The following SCFD2 variants were observed in gnomAD, a reference collection of about 807,000 sequenced individuals.
SCFD2 encodes sec1 family domain-containing protein 2.
A neutral mutation model predicts 58.9 loss-of-function variants in SCFD2; 54 were observed. The ratio of observed to expected loss-of-function variants is 0.92; its 90% CI spans 0.74 to 1.15. SCFD2 has a LOEUF of 1.15. SCFD2 is among the 50% of genes most tolerant of loss of function. The pLI, the probability that SCFD2 is intolerant of heterozygous loss-of-function variation, is 0.00. For missense variants in SCFD2, 805 were observed against 836.6 expected, an observed-to-expected ratio of 0.96 and a Z score of 0.47; for synonymous variants, 321 against 335.9, an observed-to-expected ratio of 0.96 and a Z score of 0.49.
At chr4:53,251,789 C>A (rs1730393862) in intron 4 of SCFD2, among the ~76,000 whole-genome samples, 1 of 151,872 alleles carries the variant, frequency 6.6e-6, no homozygotes, top group South Asian at 2.1e-4. Flanking sequence ...ACTGAATGGG[C>A]AAAAACTAGA....
intron 7 of SCFD2, among the ~76,000 whole-genome samples, chr4:52,902,326 G>A (rs1273133652): frequency 6.6e-6 from 1 of 152,222 alleles, no homozygotes; most frequent in Non-Finnish European, 1.5e-5. Context: ...AAAAAGGGGA[G>A]TCTGGAAAAA....
rs1726930089 is a variant in SCFD2, at chr4:53,163,992, G to A, written c.1312-18410C>T. ...AATAATATGAAAGGCTGTAACTGAA[G>A]ACTGCTATACCTCTTAACCATAGCA... is the stretch of plus-strand genomic sequence containing the variant. On this transcript the variant is annotated intron_variant, in intron 4 of 8. Transcript: ENST00000401642. 3.3e-5 allele frequency among the ~76,000 whole-genome samples: 5 copies of A among 152,246 alleles called. No individual in the cohort carries two copies. In the South Asian group the frequency reaches 8.3e-4, roughly 25 times the overall value.
At chr4:53,268,926 T>A (rs1731075786) in intron 4 of SCFD2, among the ~76,000 whole-genome samples, 1 of 152,066 alleles carries the variant, frequency 6.6e-6, no homozygotes, top group African/African-American at 2.4e-5. Flanking sequence ...TAATTAAATA[T>A]GTCAAGGATA....
At chr4:53,259,536 T>C (rs2149052160) in intron 4 of SCFD2, among the ~76,000 whole-genome samples, 1 of 152,260 alleles carries the variant, frequency 6.6e-6, no homozygotes, top group African/African-American at 2.4e-5. Context: ...TGTTAAGTAT[T>C]TGGCCTTATT....
At chr4:53,006,399 T>C in intron 5 of SCFD2, among the ~76,000 whole-genome samples, 1 of 152,226 alleles carries the variant, frequency 6.6e-6, no homozygotes, top group East Asian at 1.9e-4. Context: ...GTGAAGTAGA[T>C]ATTCGCCTTT....
intron 7 of SCFD2, among the ~76,000 whole-genome samples, chr4:52,906,754 T>G (rs1719357857): frequency 1.3e-5 from 2 of 152,240 alleles, no homozygotes; most frequent in African/African-American, 4.8e-5. Flanking sequence ...TCAAAGATGC[T>G]TTGATGCTGG....
At chr4:52,992,339 C>T (rs1721631162) in intron 5 of SCFD2, among the ~76,000 whole-genome samples, 1 of 152,206 alleles carries the variant, frequency 6.6e-6, no homozygotes, top group Non-Finnish European at 1.5e-5. Context: ...CTCAATGTTG[C>T]CCAGGCTGGA....
At chr4:53,187,067 GA>G (rs1013450052) in intron 4 of SCFD2, among the ~76,000 whole-genome samples, 5 of 149,658 alleles carry the variant, frequency 3.3e-5, no homozygotes, top group African/African-American at 7.4e-5. Flanking sequence ...ATGACAAACA[GA>G]AAAAAAAATT....
At chr4:52,918,239 C>T (rs1342297518) in intron 6 of SCFD2, among the ~76,000 whole-genome samples, 1 of 152,156 alleles carries the variant, frequency 6.6e-6, no homozygotes. Flanking sequence ...AAACCAGACA[C>T]GCAGCTGGAC....
At chr4:53,326,045 G>A (rs900111) in intron 2 of SCFD2, among the ~76,000 whole-genome samples, 108,662 of 152,138 alleles carry the variant, frequency 0.71, 38,980 homozygotes, top group Middle Eastern at 0.8. Context: ...TGCCACATTA[G>A]CAGATGACAA....
intron 5 of SCFD2, among the ~76,000 whole-genome samples, chr4:52,969,393 G>C (rs1299090930): frequency 6.6e-6 from 1 of 152,120 alleles, no homozygotes; most frequent in African/African-American, 2.4e-5. Context: ...AATATCCATT[G>C]GTAGGAAAAT....
intron 5 of SCFD2, among the ~76,000 whole-genome samples, chr4:53,111,664 C>T (rs1725176760): frequency 6.6e-6 from 1 of 152,022 alleles, no homozygotes; most frequent in Admixed American, 6.6e-5. Context: ...TTCCCAAAGC[C>T]CACAGCAACA....
intron 5 of SCFD2, among the ~76,000 whole-genome samples, chr4:53,009,735 T>A (rs1722055362): frequency 6.6e-6 from 1 of 152,222 alleles, no homozygotes; most frequent in Non-Finnish European, 1.5e-5. Context: ...TATTATGGCA[T>A]CTGAGCTCTC....
rs751581056 is a variant in SCFD2 at position 52,874,026 on chromosome 4, A to G, written c.1998T>C (p.Leu666=). The part of the protein sequence containing the change: ...IVLSTRLLKP[L]NIPELLFATD... ...TTGCAAATAACAGCTCAGGAATGTT[A>G]AGTGGCTTCAGGAGTCGTGTGGACA... is the stretch of plus-strand genomic sequence containing the variant. The change falls in exon 9 of 9, where the codon CTT becomes CTC. Residue 666 remains leucine, a synonymous_variant. Transcript: ENST00000401642. 5.0e-6 allele frequency: 8 copies of G among 1,614,036 alleles called. No individual in the cohort carries two copies. In the Admixed American group the frequency reaches 1.3e-4, roughly 27 times the overall value.
intron 4 of SCFD2, among the ~76,000 whole-genome samples, chr4:53,237,398 A>C (rs1729664463): frequency 6.7e-6 from 1 of 149,090 alleles, no homozygotes; most frequent in African/African-American, 2.5e-5. Context: ...CGGGCTCCTC[A>C]CTTCCCAGTA....
intron 5 of SCFD2, among the ~76,000 whole-genome samples, chr4:52,996,991 T>C (rs1721754526): frequency 6.6e-6 from 1 of 152,156 alleles, no homozygotes; most frequent in Non-Finnish European, 1.5e-5. Context: ...AAAAACAAAA[T>C]AGAATACTCA....
chr4:52,885,001 C>T (rs1258743813), intron 8 of SCFD2, among the ~76,000 whole-genome samples: 3 of 152,292 alleles, frequency 2.0e-5, no homozygotes, highest in South Asian at 4.2e-4. Flanking sequence ...TCCCAGATCA[C>T]CTGATTAGTC....
chr4:52,996,322 C>A (rs984409884), intron 5 of SCFD2, among the ~76,000 whole-genome samples: 1 of 152,222 alleles, frequency 6.6e-6, no homozygotes, highest in African/African-American at 2.4e-5. Flanking sequence ...GATAACAGAG[C>A]AATGATAAAA....
chr4:53,203,095 G>A (rs933014260), intron 4 of SCFD2, among the ~76,000 whole-genome samples: 7 of 152,264 alleles, frequency 4.6e-5, no homozygotes, highest in African/African-American at 1.2e-4. Context: ...GGGCATCCCT[G>A]TCTTGTGCCA....
Sources: allele counts gnomAD v4.1 joint callset (sites outside exome capture counted in the v4.1 genomes callset), GRCh38; gene constraint gnomAD v4.1.1; transcripts MANE v1.5; gene names NCBI Gene and HGNC (gene_info 2026-07-23, HGNC 2026-07-21).